Variants in KLF6 observed in about 807,000 individuals in gnomAD.
The protein encoded by KLF6 is KLF transcription factor 6, also known as Krueppel-like factor 6.
For missense variants in KLF6, 233 were observed against 359.8 expected (o/e 0.65, Z 2.85); for synonymous variants, 152 against 147.9 (o/e 1.03, Z -0.20).
In KLF6 at chr10:3,781,768, T is replaced by C; in HGVS notation, c.549A>G (p.Pro183=). 6.2e-7 allele frequency: 1 copy of C among 1,614,232 alleles called. No homozygotes were observed. Among genetic ancestry groups the C allele is most frequent in the Non-Finnish European group, 8.5e-7 (1 of 1,180,040 alleles). Residue 183 remains proline, a synonymous_variant, in exon 2 of 4, where the codon CCA becomes CCG. Coordinates refer to ENST00000497571, the MANE Select transcript of KLF6 (RefSeq NM_001300.6). The surrounding 1 kb of genome is among the most constrained non-coding windows in gnomAD (Gnocchi z 5.8). ...AGGCATCGCCATTTCCCTTGTCACC[T>C]GGCTTCCCCGAAGTCCCGCTGCGCA... ...GKVRSGTSGK[P]GDKGNGDASP...
At position 3,778,507 on chromosome 10, in the gene KLF6, T is replaced by G. The variant is rs965648003; in HGVS notation, c.*1032A>C. The G allele has an allele frequency of 9.5e-6, 5 of 524,154 alleles. No homozygotes were observed. The highest frequency in any genetic ancestry group is 1.9e-5 in the African/African-American group (1 of 53,298). The allele number at this position is 524,154 out of a possible 1,614,324, so 32.5% of individuals were successfully genotyped here. A position where few individuals can be genotyped will look rare whatever the true frequency, so the allele number is the denominator to read the frequency against. Reference sequence around the variant, plus strand: ...TTGTGACACTCAATACGTGTCCAATTTCTTCTAAGGGCATCACAGAATTCT... The same window carrying G: ...TTGTGACACTCAATACGTGTCCAATGTCTTCTAAGGGCATCACAGAATTCT... On this transcript the variant is annotated 3_prime_UTR_variant, in exon 4 of 4. Transcript: ENST00000497571.
chr10:3,784,796 G>A (rs1588346276), intron 1 of KLF6, 117 bp downstream of exon 1: 6 of 957,846 alleles, frequency 6.3e-6, no homozygotes, highest in South Asian at 6.1e-5. Flanking sequence ...CCGCTCCCCC[G>A]GTGACAGCGC....
chr10:3,780,194 C>G lies in KLF6; in HGVS notation c.712G>C (p.Glu238Gln). Residue 238 changes from glutamate to glutamine, a missense_variant, in exon 3 of 4, where the codon GAG (glutamate) becomes CAG (glutamine). Physicochemically the swap from Glu to Gln is conservative, Grantham distance 29 (BLOSUM62 2). Coordinates refer to ENST00000497571, the MANE Select transcript of KLF6 (RefSeq NM_001300.6). This position sits in a 1 kb window ranked among gnomAD's most constrained non-coding sequence, Gnocchi z 4.6. ...KPYRCSWEGC[E>Q]WRFARSDELT... ...TCATCACTTCTTGCAAAACGCCACT[C>G]ACACCCTTCCCATGAGCATCTGTAA... 1 of 1,614,210 alleles carries G rather than the reference C, an allele frequency of 6.2e-7. No individual in the cohort carries two copies. The highest frequency in any genetic ancestry group is 8.5e-7 in the Non-Finnish European group (1 of 1,180,022).
Position 3,785,152 on chromosome 10 carries a change from T to C in KLF6, c.-138A>G. 4 of 1,511,684 alleles carry C rather than the reference T, an allele frequency of 2.6e-6. No homozygotes were observed. The highest frequency in any genetic ancestry group is 3.6e-6 in the Non-Finnish European group (4 of 1,122,008). The allele number at this position is 1,511,684 out of a possible 1,614,324, so 93.6% of individuals were successfully genotyped here. A position where few individuals can be genotyped will look rare whatever the true frequency, so the allele number is the denominator to read the frequency against. ...CTCGCAGAGACGCCCGGCCGGACCC[T>C]CCCGCAGCCCGCAGCGCGCGGAGCC... is the stretch of plus-strand genomic sequence containing the variant. On this transcript the variant is annotated 5_prime_UTR_variant, in exon 1 of 4. Coordinates refer to ENST00000497571, the MANE Select transcript of KLF6 (RefSeq NM_001300.6).
In KLF6 at chr10:3,776,587, A is replaced by G; in HGVS notation, c.*2952T>C. 1.9e-6 allele frequency: 1 copy of G among 520,256 alleles called. No individual in the cohort carries two copies. Among genetic ancestry groups the G allele is most frequent in the East Asian group, 4.1e-5 (1 of 24,440 alleles). The allele number at this position is 520,256 out of a possible 1,614,324, so 32.2% of individuals were successfully genotyped here. A position where few individuals can be genotyped will look rare whatever the true frequency, so the allele number is the denominator to read the frequency against. ...GAATTCTTTTATGTTATTCCAATAAAAAATACATTCATACAGAAATATAAC... is the reference window on the plus strand; with the variant it reads ...GAATTCTTTTATGTTATTCCAATAAGAAATACATTCATACAGAAATATAAC... On this transcript the variant is annotated 3_prime_UTR_variant, in exon 4 of 4. Coordinates refer to ENST00000497571, the MANE Select transcript of KLF6 (RefSeq NM_001300.6).
At chr10:3,784,193 G>C (rs938405361) in intron 1 of KLF6, among the ~76,000 whole-genome samples, 2 of 152,094 alleles carry the variant, frequency 1.3e-5, no homozygotes, top group Non-Finnish European at 2.9e-5. Flanking sequence ...TATAAGCACG[G>C]GGACCTGGTA....
rs758621118 is a variant in KLF6 at position 3,776,474 on chromosome 10, G to A, written c.*3065C>T. The A allele has an allele frequency of 3.8e-6, 2 of 531,336 alleles. No individual in the cohort carries two copies. Among genetic ancestry groups the A allele is most frequent in the Non-Finnish European group, 3.6e-6 (1 of 274,564 alleles). 32.9% of individuals were successfully genotyped at this position (531,336 alleles called of 1,614,324 possible). On this transcript the variant is annotated 3_prime_UTR_variant, in exon 4 of 4. Transcript: ENST00000497571. ...TTGCTCAATGAAGATTTGCCCCCAG[G>A]AGGAAGCCAGGGTGATGAATGCAGG...
chr10:3,780,037 T>C lies in KLF6; in HGVS notation c.800+69A>G. The stretch of plus-strand genomic sequence containing the variant: ...TTCCTTCGAATGTGCCCTGCACACC[T>C]ACTCAACCCTGGTCATCACATTCCC... On this transcript the variant is annotated intron_variant, in intron 3 of 3. Coordinates refer to ENST00000497571, the MANE Select transcript of KLF6 (RefSeq NM_001300.6). The surrounding 1 kb of genome is among the most constrained non-coding windows in gnomAD (Gnocchi z 4.6). 1 of 1,593,532 alleles carries C rather than the reference T, an allele frequency of 6.3e-7. No homozygotes were observed. The highest frequency in any genetic ancestry group is 8.6e-7 in the Non-Finnish European group (1 of 1,163,120).
Position 3,782,042 on chromosome 10 carries a change from C to G in KLF6, c.275G>C (p.Ser92Thr). 6.2e-7 allele frequency: 1 copy of G among 1,614,194 alleles called. No individual in the cohort carries two copies. Among genetic ancestry groups the G allele is most frequent in the East Asian group, 2.2e-5 (1 of 44,882 alleles). Reference sequence around the variant, plus strand: ...CTCTAAGTTGTAACAAAAGCTCGGGCTGATGAGAGTGTCCTCTGGAGGACT... The same window carrying G: ...CTCTAAGTTGTAACAAAAGCTCGGGGTGATGAGAGTGTCCTCTGGAGGACT... ...SSSPPEDTLI[S>T]PSFCYNLETN... The change falls in exon 2 of 4, where the codon AGC (serine) becomes ACC (threonine). Residue 92 changes from serine (S) to threonine (T), a missense_variant. Transcript: ENST00000497571. The surrounding 1 kb of genome is among the most constrained non-coding windows in gnomAD (Gnocchi z 4.3).
At position 3,776,883 on chromosome 10, in the gene KLF6, T is replaced by A. The variant is rs886173884; in HGVS notation, c.*2656A>T. 2 of 522,974 alleles carry A rather than the reference T, an allele frequency of 3.8e-6. No individual in the cohort carries two copies. Among genetic ancestry groups the A allele is most frequent in the Non-Finnish European group, 7.4e-6 (2 of 271,142 alleles). The allele number at this position is 522,974 out of a possible 1,614,324, so 32.4% of individuals were successfully genotyped here. A position where few individuals can be genotyped will look rare whatever the true frequency, so the allele number is the denominator to read the frequency against. On this transcript the variant is annotated 3_prime_UTR_variant, in exon 4 of 4. Coordinates refer to ENST00000497571, the MANE Select transcript of KLF6 (RefSeq NM_001300.6). ...ACCCAGCCCCACCCAGGCAAACAGC[T>A]CCGACATGTTTCGTAAGTGAGACAA...
Position 3,779,056 on chromosome 10 carries a change from C to CTT in KLF6, c.*481_*482dup. On this transcript the variant is annotated 3_prime_UTR_variant, in exon 4 of 4. Coordinates refer to ENST00000497571, the MANE Select transcript of KLF6 (RefSeq NM_001300.6). The stretch of plus-strand genomic sequence containing the variant: ...TTGTTTTTTTGTTTTTTTGATTTTT[C>CTT]TTTTTTTTTCTAAGGTGCAGACACC... 3.8e-6 allele frequency: 2 copies of CTT among 522,388 alleles called. No homozygotes were observed. 32.4% of individuals were successfully genotyped at this position (522,388 alleles called of 1,614,324 possible). A position where few individuals can be genotyped will look rare whatever the true frequency, so the allele number is the denominator to read the frequency against.
At position 3,781,225 on chromosome 10, in the gene KLF6, A is replaced by G. The variant is rs762250009; in HGVS notation, c.676+416T>C. The G allele has an allele frequency of 3.1e-4, 144 of 471,988 alleles. No homozygotes were observed. In the Middle Eastern group the frequency reaches 4.8e-3, roughly 16 times the overall value. 29.2% of individuals were successfully genotyped at this position (471,988 alleles called of 1,614,324 possible). On this transcript the variant is annotated intron_variant, in intron 2 of 3. Coordinates refer to ENST00000497571, the MANE Select transcript of KLF6 (RefSeq NM_001300.6). The surrounding 1 kb of genome is among the most constrained non-coding windows in gnomAD (Gnocchi z 5.8). ...CTCGGGCCGTCAGCATCAAACCCAC[A>G]CACTCCACGCTGCCCAGCAACCCTC... is the stretch of plus-strand genomic sequence containing the variant.
rs554565800 is a variant in KLF6 at position 3,778,879 on chromosome 10, G to A, written c.*660C>T. On this transcript the variant is annotated 3_prime_UTR_variant, in exon 4 of 4. Transcript: ENST00000497571. ...TTGTAGCGTGTAAAACAAGCTACTT[G>A]ACACATTGCACATTTAATAGCTGCA... The A allele has an allele frequency of 1.9e-5, 10 of 534,330 alleles. No individual in the cohort carries two copies. The highest frequency in any genetic ancestry group is 1.2e-4 in the South Asian group (8 of 65,164). The allele number at this position is 534,330 out of a possible 1,614,324, so 33.1% of individuals were successfully genotyped here. A position where few individuals can be genotyped will look rare whatever the true frequency, so the allele number is the denominator to read the frequency against.
Position 3,782,027 on chromosome 10 carries a change from T to C in KLF6, c.290A>G (p.Tyr97Cys). Residue 97 changes from tyrosine (Y) to cysteine (C), a missense_variant, in exon 2 of 4, where the codon TAC (tyrosine) becomes TGC (cysteine). Physicochemically the swap from Tyr to Cys is radical, Grantham distance 194 (BLOSUM62 -2). Transcript: ENST00000497571. This position sits in a 1 kb window ranked among gnomAD's most constrained non-coding sequence, Gnocchi z 4.3. ...EDTLISPSFC[Y>C]NLETNSLNSD... Reference sequence around the variant, plus strand: ...GTTCAGGCTGTTGGTCTCTAAGTTGTAACAAAAGCTCGGGCTGATGAGAGT... The same window carrying C: ...GTTCAGGCTGTTGGTCTCTAAGTTGCAACAAAAGCTCGGGCTGATGAGAGT... 2 of 1,614,198 alleles carry C rather than the reference T, an allele frequency of 1.2e-6. No individual in the cohort carries two copies. The highest frequency in any genetic ancestry group is 1.7e-6 in the Non-Finnish European group (2 of 1,180,038).
intron 1 of KLF6, among the ~76,000 whole-genome samples, chr10:3,784,611 A>AC (rs397846750): frequency 4.6e-5 from 7 of 151,912 alleles, no homozygotes; most frequent in Admixed American, 1.3e-4. Flanking sequence ...CAAAAAAAAA[A>AC]CACCTTGGCA....
In KLF6 at chr10:3,781,681, G is replaced by C; in HGVS notation, c.636C>G (p.Thr212=). 1 of 1,613,416 alleles carries C rather than the reference G, an allele frequency of 6.2e-7. No individual in the cohort carries two copies. Among genetic ancestry groups the C allele is most frequent in the Non-Finnish European group, 8.5e-7 (1 of 1,179,444 alleles). ...CHFNGCRKVY[T]KSSHLKAHQR... is the part of the protein sequence containing the mutation. ...GGTGTGCTTTCAAGTGGGAGCTTTT[G>C]GTGTAAACTTTCCTGCAGCCGTTAA... The change falls in exon 2 of 4, where the codon ACC becomes ACG. Residue 212 remains threonine (T), a synonymous_variant. Transcript: ENST00000497571. This position sits in a 1 kb window ranked among gnomAD's most constrained non-coding sequence, Gnocchi z 5.8.
At chr10:3,784,013 T>A (rs929149199) in intron 1 of KLF6, among the ~76,000 whole-genome samples, 6 of 152,196 alleles carry the variant, frequency 3.9e-5, no homozygotes, top group Non-Finnish European at 7.3e-5. Context: ...TTCATCTTCC[T>A]TAAAGCTTTC....
intron 3 of KLF6, 116 bp from the exon 4 acceptor site, chr10:3,779,706 G>T: frequency 1.1e-6 from 1 of 911,952 alleles, no homozygotes; most frequent in Non-Finnish European, 1.8e-6. Flanking sequence ...AGGGAAAGGT[G>T]GGATTCTCCT....
At chr10:3,783,918 G>GA (rs1832588239) in intron 1 of KLF6, among the ~76,000 whole-genome samples, 1 of 151,906 alleles carries the variant, frequency 6.6e-6, no homozygotes, top group Admixed American at 6.6e-5. Flanking sequence ...CTTTGAGGAG[G>GA]AAAAAAACAG....
Sources: gnomAD v4.1 joint callset for allele counts (sites outside exome capture counted in the v4.1 genomes callset) on GRCh38, gnomAD v4.1.1 for gene constraint, Gnocchi (gnomAD v3.1) non-coding constraint, MANE v1.5 for transcripts, NCBI Gene and HGNC (gene_info 2026-07-23, HGNC 2026-07-21) for gene names.